PSD3: variants seen among roughly 807,000 people sequenced by gnomAD.
PSD3 encodes the protein PH and SEC7 domain-containing protein 3.
In PSD3, 49 loss-of-function variants were observed where a neutral mutation model predicts 105.5. The observed-to-expected ratio is 0.46, with a 90% CI of 0.37 to 0.59. PSD3 has a LOEUF of 0.59. Ranked by LOEUF, PSD3 falls within the 20% of genes least tolerant of loss-of-function variation. The pLI is 0.00. For synonymous variants in PSD3, 557 were observed against 457.8 expected (o/e 1.22, Z -2.77); for missense variants, 1,561 against 1,263.8 (o/e 1.24, Z -3.57).
chr8:18,780,655 G>A (rs569299549), intron 8 of PSD3, among the ~76,000 whole-genome samples: 15 of 152,158 alleles, frequency 9.9e-5, no homozygotes, highest in Middle Eastern at 3.4e-3. Context: ...TTGGGTTCAC[G>A]CCATTCTCCT....
chr8:19,012,396 A>C (rs1235636265), intron 1 of PSD3, among the ~76,000 whole-genome samples: 2 of 152,232 alleles, frequency 1.3e-5, no homozygotes, highest in Non-Finnish European at 2.9e-5. Flanking sequence ...TTGGTTTGTA[A>C]ATACTCTCAG....
intron 1 of PSD3, among the ~76,000 whole-genome samples, chr8:18,946,134 C>G (rs1347588128): frequency 2.0e-5 from 3 of 152,216 alleles, no homozygotes; most frequent in African/African-American, 4.8e-5. Flanking sequence ...TCCAAATACA[C>G]TTTGCTCTCC....
At chr8:18,624,542 G>T (rs561465412) in intron 11 of PSD3, among the ~76,000 whole-genome samples, 11 of 99,662 alleles carry the variant, frequency 1.1e-4, no homozygotes, top group Admixed American at 5.1e-4. Context: ...GTTGTGGGGT[G>T]GGGGGAGGGG....
rs1829738039 is a variant in PSD3 at position 19,084,278 on chromosome 8, C to T, written c.252G>A (p.Trp84Ter). 1 of 456,162 alleles carries T rather than the reference C, an allele frequency of 2.2e-6. No individual in the cohort carries two copies. The highest frequency in any genetic ancestry group is 4.4e-6 in the Non-Finnish European group (1 of 226,974). 28.3% of individuals were successfully genotyped at this position (456,162 alleles called of 1,614,324 possible). ...GCACAGCTGGACAGTACCTGTAGAG[C>T]CATGCCCTTGTCGCCTGCGCTGTGG... Residue 84 changes from tryptophan (W) to a stop codon, truncating the protein, a stop_gained, in exon 1 of 2, where the codon TGG becomes TGA. Transcript: ENST00000521475. LOFTEE classifies it high-confidence loss of function.
At position 18,801,199 on chromosome 8, in the gene PSD3, A is replaced by C. The variant is rs1182692389; in HGVS notation, c.2023+71T>G. 1.2e-5 allele frequency: 11 copies of C among 948,676 alleles called. No individual in the cohort carries two copies. The East Asian group carries it at 2.8e-4, about 24-fold the overall frequency. The allele number at this position is 948,676 out of a possible 1,614,324, so 58.8% of individuals were successfully genotyped here. On this transcript the variant is annotated intron_variant, in intron 7 of 15. Coordinates refer to ENST00000327040, the MANE Select transcript of PSD3 (RefSeq NM_015310.4). Reference sequence around the variant, plus strand: ...GAAGATACATAATTTCTCACAATAAAATTTAACTTTCATAATAAGGAAAAT... The same window carrying C: ...GAAGATACATAATTTCTCACAATAACATTTAACTTTCATAATAAGGAAAAT...
At chr8:19,078,653 C>T (rs1304749868) in intron 1 of PSD3, among the ~76,000 whole-genome samples, 1 of 151,890 alleles carries the variant, frequency 6.6e-6, no homozygotes, top group African/African-American at 2.4e-5. Context: ...ACAATGTGAG[C>T]CGCACCTACC....
At chr8:18,722,070 T>C (rs1342702816) in intron 9 of PSD3, among the ~76,000 whole-genome samples, 1 of 151,904 alleles carries the variant, frequency 6.6e-6, no homozygotes, top group African/African-American at 2.4e-5. Context: ...GCCTTGTTTT[T>C]AACAGTAAAA....
At chr8:18,957,505 C>T (rs767435956) in intron 1 of PSD3, among the ~76,000 whole-genome samples, 10 of 146,456 alleles carry the variant, frequency 6.8e-5, no homozygotes, top group African/African-American at 1.8e-4. Flanking sequence ...CAGCTAATTC[C>T]ACATCTCATC....
intron 10 of PSD3, among the ~76,000 whole-genome samples, chr8:18,639,997 T>C (rs1305442394): frequency 2.6e-5 from 4 of 152,064 alleles, no homozygotes; most frequent in African/African-American, 9.7e-5. Flanking sequence ...AGTCAGTAAA[T>C]ACAAGCCATG....
chr8:18,872,015 T>A lies in PSD3; in HGVS notation c.849A>T (p.Gly283=). The change falls in exon 3 of 16, where the codon GGA becomes GGT. Residue 283 remains glycine, a synonymous_variant. Transcript: ENST00000327040. ...RSALGREHPG[G]CDRSSSMGRP... is the part of the protein sequence containing the mutation. ...GTCCCATGGAGCTGCTTCGATCACA[T>A]CCCCCTGGGTGCTCTCTCCCAAGAG... The A allele has an allele frequency of 6.2e-7, 1 of 1,614,068 alleles. No homozygotes were observed. Among genetic ancestry groups the A allele is most frequent in the Non-Finnish European group, 8.5e-7 (1 of 1,180,006 alleles).
chr8:18,715,244 C>G (rs1017845466), intron 9 of PSD3, among the ~76,000 whole-genome samples: 2 of 152,170 alleles, frequency 1.3e-5, no homozygotes, highest in East Asian at 1.9e-4. Context: ...ACCCATGTAA[C>G]AAACCTGCAC....
chr8:18,559,592 T>C (rs1024820983), intron 14 of PSD3, among the ~76,000 whole-genome samples: 3 of 150,262 alleles, frequency 2.0e-5, no homozygotes, highest in Non-Finnish European at 3.0e-5. Context: ...TAAGAAAAAA[T>C]AGGATTTTAG....
chr8:18,815,250 T>A (rs890412215), intron 4 of PSD3, among the ~76,000 whole-genome samples: 2 of 152,186 alleles, frequency 1.3e-5, no homozygotes, highest in Non-Finnish European at 2.9e-5. Flanking sequence ...GGTTATATAA[T>A]GTCCAAATTT....
intron 1 of PSD3, among the ~76,000 whole-genome samples, chr8:19,012,602 T>G (rs1436531670): frequency 6.6e-6 from 1 of 152,158 alleles, no homozygotes; most frequent in East Asian, 1.9e-4. Context: ...CATGGTAGCC[T>G]ACGCATAAGT....
chr8:18,711,218 C>A (rs1252236169), intron 9 of PSD3, among the ~76,000 whole-genome samples: 1 of 152,108 alleles, frequency 6.6e-6, no homozygotes, highest in African/African-American at 2.4e-5. Flanking sequence ...CACTATGAAG[C>A]AACTACATTA....
chr8:19,024,566 T>G lies in PSD3; in HGVS notation c.324+59640A>C, dbSNP rs73594670. Among the ~76,000 whole-genome samples the G allele has an allele frequency of 8.9e-3, 1,351 of 152,290 alleles. 22 individuals carry two copies. The highest frequency in any genetic ancestry group is 0.031 in the African/African-American group (1,275 of 41,556). ...CATTTTTTATTCATAAAGAAGCCAC[T>G]TACGATGACACCTGAGCTTATGTTA... On this transcript the variant is annotated intron_variant, in intron 1 of 1. Coordinates refer to the PSD3 transcript ENST00000521475.
At chr8:18,919,730 C>G (rs971508060) in intron 2 of PSD3, among the ~76,000 whole-genome samples, 1 of 151,634 alleles carries the variant, frequency 6.6e-6, no homozygotes, top group African/African-American at 2.4e-5. Context: ...AATCATCATT[C>G]TCAGTAAACT....
intron 4 of PSD3, chr8:18,808,689 A>T (rs1454385280): frequency 1.9e-6 from 3 of 1,601,910 alleles, no homozygotes; most frequent in Non-Finnish European, 2.6e-6. Context: ...AGATTATTTG[A>T]ACAAGAACCG....
At chr8:18,603,567 ACTAT>A (rs1804593137) in intron 11 of PSD3, among the ~76,000 whole-genome samples, 1 of 152,156 alleles carries the variant, frequency 6.6e-6, no homozygotes, top group Admixed American at 6.5e-5. Flanking sequence ...ACATTATTTC[ACTAT>A]CTTTTGGCTA....
Sources: allele counts gnomAD v4.1 joint callset (sites outside exome capture counted in the v4.1 genomes callset), GRCh38; gene constraint gnomAD v4.1.1; transcripts MANE v1.5; gene names NCBI Gene and HGNC (gene_info 2026-07-23, HGNC 2026-07-21).